The following MAP3K5 variants were observed in gnomAD, a reference collection of about 807,000 sequenced individuals.
MAP3K5 encodes ASK-1.
In MAP3K5, 56 loss-of-function variants were observed where a neutral mutation model predicts 158.7. The ratio of observed to expected loss-of-function variants is 0.35; its 90% confidence interval spans 0.28 to 0.44. MAP3K5 has a LOEUF of 0.44. Ranked by LOEUF, MAP3K5 falls within the 20% of genes least tolerant of loss-of-function variation. The probability of loss-of-function intolerance (pLI) is 1.00; values close to 1 mark genes in which losing one functional copy is unlikely to be tolerated. For synonymous variants in MAP3K5, 579 were observed against 601.7 expected (o/e 0.96, Z 0.55); for missense variants, 1,294 against 1,674.8 (o/e 0.77, Z 3.97).
rs915504289 is a variant in MAP3K5, at chr6:136,592,905, C to T, written c.2879-291G>A. Reference sequence around the variant, plus strand: ...AGTGGGTCTACTGAGGGTCTGATCCCCTCATTTTTACTGACTACTAATTAT... The same window carrying T: ...AGTGGGTCTACTGAGGGTCTGATCCTCTCATTTTTACTGACTACTAATTAT... On this transcript the variant is annotated intron_variant, in intron 21 of 29. Coordinates refer to ENST00000359015, the MANE Select transcript of MAP3K5 (RefSeq NM_005923.4). 2.0e-5 allele frequency: 9 copies of T among 457,446 alleles called. No individual in the cohort carries two copies. The Admixed American group carries it at 2.7e-4, about 14-fold the overall frequency. 28.3% of individuals were successfully genotyped at this position (457,446 alleles called of 1,614,324 possible). A position where few individuals can be genotyped will look rare whatever the true frequency, so the allele number is the denominator to read the frequency against.
chr6:136,702,100 C>T (rs748928848), intron 3 of MAP3K5, among the ~76,000 whole-genome samples: 3 of 152,100 alleles, frequency 2.0e-5, no homozygotes, highest in Non-Finnish European at 4.4e-5. Context: ...CTGAAAATAC[C>T]TAAGCATGCT....
At chr6:136,562,101 T>C (rs771402655) in intron 27 of MAP3K5, among the ~76,000 whole-genome samples, 18 of 152,226 alleles carry the variant, frequency 1.2e-4, no homozygotes, top group Non-Finnish European at 1.8e-4. Flanking sequence ...GCCTTTTTAC[T>C]ACTACATCTT....
intron 7 of MAP3K5, among the ~76,000 whole-genome samples, chr6:136,676,030 T>C (rs534402927): frequency 6.6e-6 from 1 of 152,314 alleles, no homozygotes; most frequent in South Asian, 2.1e-4. Flanking sequence ...TAAAATCACA[T>C]GTAAGCATGA....
chr6:136,667,479 G>T (rs1426935475), intron 8 of MAP3K5, among the ~76,000 whole-genome samples: 1 of 152,070 alleles, frequency 6.6e-6, no homozygotes, highest in Admixed American at 6.6e-5. Flanking sequence ...TAGCACCTTG[G>T]GAGGCCCAGG....
intron 1 of MAP3K5, among the ~76,000 whole-genome samples, chr6:136,769,738 GGGAAGGAAGGAAGGAA>G (rs1209835950): frequency 7.1e-4 from 37 of 52,304 alleles, no homozygotes; most frequent in Admixed American, 1.2e-3. Flanking sequence ...AAGGGAGGAA[GGGAAGGAAGGAAGGAA>G]GGAAGGAAGG....
At chr6:136,666,244 T>C (rs751866643) in intron 8 of MAP3K5, among the ~76,000 whole-genome samples, 6 of 152,144 alleles carry the variant, frequency 3.9e-5, no homozygotes, top group Non-Finnish European at 7.4e-5. Flanking sequence ...AACACACAAC[T>C]AGAATTAAGA....
At chr6:136,649,502 T>G (rs931684780) in intron 11 of MAP3K5, among the ~76,000 whole-genome samples, 1 of 152,220 alleles carries the variant, frequency 6.6e-6, no homozygotes, top group African/African-American at 2.4e-5. Flanking sequence ...AAAATGCATG[T>G]GTCCAAGCTT....
In MAP3K5 at chr6:136,757,575, A is replaced by AT. The variant is rs1266911449; in HGVS notation, c.448+34134dup. ...GAGAACTCATTTTATAGATTTATTTATTTATTTTTTATTTTTTTTTTTTTT... is the reference window on the plus strand; with the variant it reads ...GAGAACTCATTTTATAGATTTATTTATTTTATTTTTTATTTTTTTTTTTTTT... On this transcript the variant is annotated intron_variant, in intron 1 of 29. Transcript: ENST00000359015. 6.1e-3 allele frequency among the ~76,000 whole-genome samples: 674 copies of AT among 110,834 alleles called. 10 individuals are homozygous for AT. The highest frequency in any genetic ancestry group is 0.014 in the African/African-American group (416 of 30,118). The allele number at this position is 110,834 out of a possible 152,430, so 72.7% of individuals were successfully genotyped here. A position where few individuals can be genotyped will look rare whatever the true frequency, so the allele number is the denominator to read the frequency against.
Position 136,592,204 on chromosome 6 carries a change from AT to A in MAP3K5, c.3193del (p.Ile1065LeufsTer2). On this transcript the variant is annotated frameshift_variant, in exon 23 of 30. Transcript: ENST00000359015. LOFTEE classifies it high-confidence loss of function. ...TAAAGATTCCATTAGGTTTCTCACA[AT>A]TTTGTCTTGGTCTTCCGTCAGGATC... is the stretch of plus-strand genomic sequence containing the variant. ...HRILTEDQDK[I>X]VRNLMESLAQ... The A allele has an allele frequency of 6.2e-7, 1 of 1,601,052 alleles. No individual in the cohort carries two copies. The highest frequency in any genetic ancestry group is 8.5e-7 in the Non-Finnish European group (1 of 1,174,770).
chr6:136,618,653 C>A (rs186854089), intron 15 of MAP3K5, among the ~76,000 whole-genome samples: 1 of 152,166 alleles, frequency 6.6e-6, no homozygotes, highest in Admixed American at 6.5e-5. Context: ...AAAGTCTACA[C>A]TATCTATACA....
chr6:136,708,639 G>A (rs925638103), intron 2 of MAP3K5, among the ~76,000 whole-genome samples: 4 of 152,104 alleles, frequency 2.6e-5, no homozygotes, highest in African/African-American at 7.2e-5. Flanking sequence ...TAGTCAATGG[G>A]GGTGCTCCAG....
At chr6:136,781,454 C>A (rs1326800619) in intron 1 of MAP3K5, among the ~76,000 whole-genome samples, 1 of 152,212 alleles carries the variant, frequency 6.6e-6, no homozygotes, top group East Asian at 1.9e-4. Flanking sequence ...AACTGATCCT[C>A]TTAAACAGAA....
chr6:136,560,306 C>G (rs1830450437), intron 28 of MAP3K5, among the ~76,000 whole-genome samples: 2 of 152,040 alleles, frequency 1.3e-5, no homozygotes, highest in Non-Finnish European at 2.9e-5. Context: ...ATGGTGAAAC[C>G]CTGTTTCTAC....
rs1006540287 is a variant in MAP3K5 at position 136,601,878 on chromosome 6, G to C, written c.2781C>G (p.Ala927=). The change falls in exon 20 of 30, where the codon GCC becomes GCG. Residue 927 remains alanine, a synonymous_variant. Transcript: ENST00000359015. ...CATCAACAAGCAAGTCGTTAGCACA[G>C]GCTCTCTTGTCAGGATCTGGTTCAA... ...KCFEPDPDKR[A]CANDLLVDEF... 3.7e-6 allele frequency: 6 copies of C among 1,614,024 alleles called. No individual in the cohort carries two copies. Among genetic ancestry groups the C allele is most frequent in the East Asian group, 2.2e-5 (1 of 44,888 alleles).
At chr6:136,624,759 G>A (rs1406876323) in intron 14 of MAP3K5, among the ~76,000 whole-genome samples, 3 of 152,050 alleles carry the variant, frequency 2.0e-5, no homozygotes, top group Non-Finnish European at 4.4e-5. Flanking sequence ...CATAGATATG[G>A]AGTTAGGTAG....
intron 5 of MAP3K5, 61 bp from the exon 6 acceptor site, chr6:136,696,118 C>T (rs1411678245): frequency 4.4e-5 from 43 of 973,192 alleles, no homozygotes; most frequent in Admixed American, 1.7e-4. Context: ...CTCACAATAA[C>T]GTGTCTTTTG....
At chr6:136,659,908 A>G (rs1293750387) in intron 8 of MAP3K5, among the ~76,000 whole-genome samples, 1 of 152,232 alleles carries the variant, frequency 6.6e-6, no homozygotes, top group African/African-American at 2.4e-5. Flanking sequence ...TAAAAAAACA[A>G]TAGTAAGTCA....
intron 18 of MAP3K5, among the ~76,000 whole-genome samples, chr6:136,606,875 C>T (rs534895075): frequency 5.9e-5 from 9 of 152,316 alleles, no homozygotes; most frequent in Middle Eastern, 3.4e-3. Flanking sequence ...AAAGCACTAT[C>T]ATAGGTGAGA....
intron 11 of MAP3K5, among the ~76,000 whole-genome samples, chr6:136,646,932 A>G (rs974000010): frequency 6.6e-6 from 1 of 152,176 alleles, no homozygotes; most frequent in East Asian, 1.9e-4. Context: ...ATTCCTCATG[A>G]TTCCTCTACA....
Sources: allele counts gnomAD v4.1 joint callset (sites outside exome capture counted in the v4.1 genomes callset), GRCh38; gene constraint gnomAD v4.1.1; transcripts MANE v1.5; gene names NCBI Gene and HGNC (gene_info 2026-07-23, HGNC 2026-07-21).